ZDHHC14: variants seen among roughly 807,000 people sequenced by gnomAD.
The protein encoded by ZDHHC14 is palmitoyltransferase ZDHHC14.
ZDHHC14 carries 16 observed loss-of-function variants against 47.7 expected under a neutral mutation model. The ratio of observed to expected loss-of-function variants is 0.34; its 90% CI spans 0.23 to 0.51. The LOEUF is 0.51. Among genes scored for constraint, ZDHHC14 ranks in the 20% least tolerant of loss-of-function variants. ZDHHC14 has a pLI of 0.97. For synonymous variants in ZDHHC14, 293 were observed against 278.9 expected (o/e 1.05, Z -0.50); for missense variants, 515 against 662.5 (o/e 0.78, Z 2.44).
intron 1 of ZDHHC14, among the ~76,000 whole-genome samples, chr6:157,508,398 A>G (rs1002271454): frequency 6.6e-6 from 1 of 151,818 alleles, no homozygotes; most frequent in Non-Finnish European, 1.5e-5. Context: ...ACAGGGTCTT[A>G]CTCTGTTGCC....
intron 2 of ZDHHC14, among the ~76,000 whole-genome samples, chr6:157,553,721 G>C (rs1206614881): frequency 6.6e-6 from 1 of 152,142 alleles, no homozygotes; most frequent in Non-Finnish European, 1.5e-5. Context: ...TACATGTAAG[G>C]ATGGGAGATA....
intron 2 of ZDHHC14, among the ~76,000 whole-genome samples, chr6:157,556,665 G>A (rs1209623870): frequency 6.6e-6 from 1 of 152,208 alleles, no homozygotes; most frequent in East Asian, 1.9e-4. Flanking sequence ...GAGTGAGACT[G>A]AACAAGAAAG....
At chr6:157,603,137 T>C (rs1336536875) in intron 3 of ZDHHC14, among the ~76,000 whole-genome samples, 1 of 152,144 alleles carries the variant, frequency 6.6e-6, no homozygotes, top group Non-Finnish European at 1.5e-5. Flanking sequence ...GGGCTGGACA[T>C]GGAGAGTCAG....
intron 2 of ZDHHC14, among the ~76,000 whole-genome samples, chr6:157,544,995 T>G (rs528535823): frequency 3.9e-5 from 6 of 152,296 alleles, no homozygotes; most frequent in African/African-American, 1.4e-4. Flanking sequence ...ATGTGGTATA[T>G]CCATACAATT....
rs1468535256 is a variant in ZDHHC14 at position 157,463,496 on chromosome 6, AC to A, written c.246-79084del. Among the ~76,000 whole-genome samples, 1 of 151,954 alleles carries A rather than the reference AC, an allele frequency of 6.6e-6. No homozygotes were observed. Among genetic ancestry groups the A allele is most frequent in the African/African-American group, 2.4e-5 (1 of 41,336 alleles). On this transcript the variant is annotated intron_variant, in intron 1 of 8. Coordinates refer to ENST00000359775, the MANE Select transcript of ZDHHC14 (RefSeq NM_024630.3). This position sits in a 1 kb window ranked among gnomAD's most constrained non-coding sequence, Gnocchi z 4.4. The stretch of plus-strand genomic sequence containing the variant: ...CCATAGCAGTGCTGTGCTCTCTATC[AC>A]CCCCAACTCTTCACCAGAGGGGTTG...
At chr6:157,569,208 C>A (rs1282909789) in intron 2 of ZDHHC14, among the ~76,000 whole-genome samples, 2 of 151,992 alleles carry the variant, frequency 1.3e-5, no homozygotes. Flanking sequence ...TTTCCCTACT[C>A]CACTCCTCCT....
At chr6:157,660,782 T>A (rs947551943) in intron 8 of ZDHHC14, among the ~76,000 whole-genome samples, 17 of 152,234 alleles carry the variant, frequency 1.1e-4, no homozygotes, top group African/African-American at 2.7e-4. Flanking sequence ...ACTCTCTTGT[T>A]CTCTCCAAAA....
At chr6:157,663,753 G>A (rs895196323) in intron 8 of ZDHHC14, among the ~76,000 whole-genome samples, 11 of 152,154 alleles carry the variant, frequency 7.2e-5, no homozygotes, top group Non-Finnish European at 1.2e-4. Context: ...CCTCTTTGCA[G>A]TTCATCCACC....
chr6:157,480,430 G>A lies in ZDHHC14; in HGVS notation c.246-62155G>A, dbSNP rs186044831. ...CCACAGGCATGCACCACCATGCCCA[G>A]CTAATTTTTGTATTTTTAGTAGAGA... On this transcript the variant is annotated intron_variant, in intron 1 of 8. Transcript: ENST00000359775. 3.0e-3 allele frequency among the ~76,000 whole-genome samples: 456 copies of A among 152,140 alleles called. 4 individuals carry two copies. The highest frequency in any genetic ancestry group is 0.011 in the African/African-American group (447 of 41,528).
At chr6:157,545,346 G>A (rs1296048455) in intron 2 of ZDHHC14, among the ~76,000 whole-genome samples, 2 of 151,848 alleles carry the variant, frequency 1.3e-5, no homozygotes, top group Non-Finnish European at 2.9e-5. Context: ...TGACTGCTGT[G>A]GTACATAAAT....
At chr6:157,633,954 G>T (rs1037967031) in intron 5 of ZDHHC14, among the ~76,000 whole-genome samples, 2 of 152,166 alleles carry the variant, frequency 1.3e-5, no homozygotes, top group African/African-American at 4.8e-5. Context: ...CACCCAGCAA[G>T]GTAGGGATTT....
At chr6:157,473,393 A>G (rs963194506) in intron 1 of ZDHHC14, among the ~76,000 whole-genome samples, 6 of 152,176 alleles carry the variant, frequency 3.9e-5, no homozygotes, top group Non-Finnish European at 8.8e-5. Context: ...GATCCCACAT[A>G]TAAGTGAGAT....
At chr6:157,400,021 T>C (rs1777597621) in intron 1 of ZDHHC14, among the ~76,000 whole-genome samples, 1 of 152,262 alleles carries the variant, frequency 6.6e-6, no homozygotes, top group Non-Finnish European at 1.5e-5. Flanking sequence ...TTACCATGTG[T>C]AATTTATATA....
At chr6:157,489,693 C>T (rs1460630267) in intron 1 of ZDHHC14, among the ~76,000 whole-genome samples, 1 of 152,166 alleles carries the variant, frequency 6.6e-6, no homozygotes, top group Non-Finnish European at 1.5e-5. Context: ...AGATAAGAAC[C>T]GCAATGCGTG....
At chr6:157,611,010 G>GTTTGTT (rs1310839069) in intron 3 of ZDHHC14, among the ~76,000 whole-genome samples, 1 of 152,100 alleles carries the variant, frequency 6.6e-6, no homozygotes, top group Non-Finnish European at 1.5e-5. Flanking sequence ...GCACATTTTT[G>GTTTGTT]TTTGTTTTTG....
chr6:157,581,984 C>T (rs1051753380), intron 2 of ZDHHC14, among the ~76,000 whole-genome samples: 12 of 152,184 alleles, frequency 7.9e-5, no homozygotes, highest in Middle Eastern at 3.2e-3. Flanking sequence ...CAACCTCTGG[C>T]TCCCAGGTTC....
At chr6:157,438,859 G>C (rs540543540) in intron 1 of ZDHHC14, among the ~76,000 whole-genome samples, 1 of 152,326 alleles carries the variant, frequency 6.6e-6, no homozygotes, top group South Asian at 2.1e-4. Context: ...GGCTGTGGAG[G>C]ATTGCAGAGA....
At chr6:157,607,214 ATC>A (rs1327022076) in intron 3 of ZDHHC14, among the ~76,000 whole-genome samples, 1 of 152,138 alleles carries the variant, frequency 6.6e-6, no homozygotes, top group African/African-American at 2.4e-5. Context: ...CACACAAGAA[ATC>A]TCAGAGTCCC....
At chr6:157,420,741 C>T (rs182375363) in intron 1 of ZDHHC14, among the ~76,000 whole-genome samples, 9 of 152,306 alleles carry the variant, frequency 5.9e-5, no homozygotes, top group Admixed American at 1.3e-4. Flanking sequence ...CTAGTAGGAG[C>T]GAATGACTCA....
Sources: allele counts gnomAD v4.1 joint callset (sites outside exome capture counted in the v4.1 genomes callset), GRCh38; gene constraint gnomAD v4.1.1; non-coding constraint Gnocchi (gnomAD v3.1); transcripts MANE v1.5; gene names NCBI Gene and HGNC (gene_info 2026-07-23, HGNC 2026-07-21).